The following EYA1 variants were observed in gnomAD, a reference collection of about 807,000 sequenced individuals.
EYA1 encodes EYA transcriptional coactivator and phosphatase 1.
A neutral mutation model predicts 82.0 loss-of-function variants in EYA1; 16 were observed. The ratio of observed to expected loss-of-function variants is 0.20; its 90% CI spans 0.13 to 0.30. The LOEUF is 0.30. Ranked by LOEUF, EYA1 falls within the 10% of genes least tolerant of loss-of-function variation. The pLI, the probability that EYA1 is intolerant of heterozygous loss-of-function variation, is 1.00. For synonymous variants in EYA1, 261 were observed against 264.4 expected (o/e 0.99, Z 0.12); for missense variants, 633 against 730.7 (o/e 0.87, Z 1.54).
At position 71,199,294 on chromosome 8, in the gene EYA1, T is replaced by A. The variant is rs1182262623; in HGVS notation, c.*46A>T. The A allele has an allele frequency of 1.4e-6, 2 of 1,405,942 alleles. No homozygotes were observed. Among genetic ancestry groups the A allele is most frequent in the Non-Finnish European group, 1.0e-6 (1 of 1,002,790 alleles). 87.1% of individuals were successfully genotyped at this position (1,405,942 alleles called of 1,614,324 possible). A position where few individuals can be genotyped will look rare whatever the true frequency, so the allele number is the denominator to read the frequency against. ...GCGAGACTGGGGCCTGCTGGATCTGTCCCTGGTCACAGAGCAGCTGTGCGC... is the reference window on the plus strand; with the variant it reads ...GCGAGACTGGGGCCTGCTGGATCTGACCCTGGTCACAGAGCAGCTGTGCGC... On this transcript the variant is annotated 3_prime_UTR_variant, in exon 18 of 18. Coordinates refer to ENST00000340726, the MANE Select transcript of EYA1 (RefSeq NM_000503.6).
intron 9 of EYA1, among the ~76,000 whole-genome samples, chr8:71,286,437 A>T (rs184438969): frequency 7.9e-5 from 12 of 152,278 alleles, no homozygotes; most frequent in Admixed American, 1.3e-4. Flanking sequence ...AAAACTGAAA[A>T]TATCTGGAGG....
chr8:71,349,694 A>G (rs1302349507), intron 3 of EYA1, among the ~76,000 whole-genome samples: 1 of 152,320 alleles, frequency 6.6e-6, no homozygotes, highest in East Asian at 1.9e-4. Flanking sequence ...GTAAGTCCCC[A>G]TTTTACAGAT....
At chr8:71,305,517 G>A (rs1179418832) in intron 7 of EYA1, among the ~76,000 whole-genome samples, 2 of 101,104 alleles carry the variant, frequency 2.0e-5, no homozygotes, top group Non-Finnish European at 5.2e-5. Flanking sequence ...AAAATTAGCC[G>A]GATGTGTAAT....
At chr8:71,241,095 G>A (rs1234226139) in intron 12 of EYA1, among the ~76,000 whole-genome samples, 1 of 152,174 alleles carries the variant, frequency 6.6e-6, no homozygotes. Flanking sequence ...AACTAAAGTC[G>A]AAACCCTTCT....
At chr8:71,409,561 A>G (rs1193554369) in intron 2 of EYA1, among the ~76,000 whole-genome samples, 2 of 14,632 alleles carry the variant, frequency 1.4e-4, no homozygotes, top group Non-Finnish European at 2.6e-4. Context: ...GATCCCACAG[A>G]AATACAAACT....
chr8:71,529,429 T>C (rs541276765), intron 2 of EYA1: 1 of 152,370 alleles, frequency 6.6e-6, no homozygotes. Flanking sequence ...CATTATTAGA[T>C]ACTTCCATCA....
At chr8:71,282,560 T>C (rs1327185156) in intron 9 of EYA1, among the ~76,000 whole-genome samples, 1 of 152,206 alleles carries the variant, frequency 6.6e-6, no homozygotes, top group Non-Finnish European at 1.5e-5. Flanking sequence ...TGATCATGGC[T>C]TCCTTCTGCA....
chr8:71,244,519 T>TA (rs1812843787), intron 12 of EYA1, 84 bp downstream of exon 12: 1 of 761,602 alleles, frequency 1.3e-6, no homozygotes, highest in South Asian at 1.5e-5. Flanking sequence ...AATTATACAT[T>TA]AAAAAATAAT....
chr8:71,297,612 A>C (rs2128997219), intron 9 of EYA1, among the ~76,000 whole-genome samples: 1 of 152,296 alleles, frequency 6.6e-6, no homozygotes, highest in East Asian at 1.9e-4. Context: ...GTTCAAATGA[A>C]AAGGCAAGAT....
chr8:71,237,047 ACATTT>A (rs1185627186), intron 12 of EYA1, among the ~76,000 whole-genome samples: 2 of 150,848 alleles, frequency 1.3e-5, no homozygotes, highest in African/African-American at 4.9e-5. Flanking sequence ...GTTTGACTTG[ACATTT>A]CTTTTCTTTT....
At chr8:71,522,754 C>T (rs1813497602) in intron 2 of EYA1, among the ~76,000 whole-genome samples, 1 of 151,856 alleles carries the variant, frequency 6.6e-6, no homozygotes, top group Non-Finnish European at 1.5e-5. Flanking sequence ...AGACCCCAGG[C>T]CCATGCCACC....
At chr8:71,417,460 A>C (rs1297465515) in intron 2 of EYA1, among the ~76,000 whole-genome samples, 1 of 152,326 alleles carries the variant, frequency 6.6e-6, no homozygotes, top group East Asian at 1.9e-4. Flanking sequence ...GCCTACTAAA[A>C]GTTTTTTTTA....
intron 2 of EYA1, among the ~76,000 whole-genome samples, chr8:71,426,080 A>G (rs1385005660): frequency 6.6e-6 from 1 of 152,232 alleles, no homozygotes; most frequent in Non-Finnish European, 1.5e-5. Flanking sequence ...TGATATTTCA[A>G]TAGTGTTGAC....
chr8:71,207,873 T>TAATA (rs1479935353), intron 17 of EYA1, among the ~76,000 whole-genome samples: 3 of 152,036 alleles, frequency 2.0e-5, no homozygotes, highest in Non-Finnish European at 4.4e-5. Flanking sequence ...CAAATAATTG[T>TAATA]AATAGAATAG....
At chr8:71,463,238 A>C (rs541203476) in intron 2 of EYA1, among the ~76,000 whole-genome samples, 25 of 152,298 alleles carry the variant, frequency 1.6e-4, no homozygotes, top group African/African-American at 5.8e-4. Context: ...CTAAAGGTAC[A>C]TGGTTTTCTC....
chr8:71,482,646 C>G (rs772482460), intron 2 of EYA1, among the ~76,000 whole-genome samples: 35 of 152,022 alleles, frequency 2.3e-4, no homozygotes, highest in Non-Finnish European at 3.4e-4. Context: ...AAATGTTCAG[C>G]AACAGTAAAG....
intron 14 of EYA1, 137 bp downstream of exon 14, chr8:71,216,555 G>T (rs1809226641): frequency 2.2e-6 from 2 of 911,534 alleles, no homozygotes; most frequent in South Asian, 2.8e-5. Context: ...AATCACAGCA[G>T]AATAATGGCC....
At chr8:71,330,082 A>C (rs1480897471) in intron 4 of EYA1, among the ~76,000 whole-genome samples, 1 of 152,178 alleles carries the variant, frequency 6.6e-6, no homozygotes, top group Non-Finnish European at 1.5e-5. Context: ...ACAGTAAGCA[A>C]GGCGGGCAGG....
chr8:71,452,098 G>A (rs750699060), intron 2 of EYA1, among the ~76,000 whole-genome samples: 22 of 152,350 alleles, frequency 1.4e-4, no homozygotes, highest in Non-Finnish European at 2.4e-4. Flanking sequence ...AATGGCCTTA[G>A]CAAATGGCAC....
Sources: allele counts gnomAD v4.1 joint callset (sites outside exome capture counted in the v4.1 genomes callset), GRCh38; gene constraint gnomAD v4.1.1; transcripts MANE v1.5; gene names NCBI Gene and HGNC (gene_info 2026-07-23, HGNC 2026-07-21).